TMEM106A: variants seen among roughly 807,000 people sequenced by gnomAD.
TMEM106A encodes the protein transmembrane protein 106A.
Under a neutral mutation model 25.1 loss-of-function variants are expected in TMEM106A, and 22 were observed. That is an observed-to-expected ratio of 0.88 (90% CI 0.63 to 1.25). The LOEUF (loss-of-function observed/expected upper bound fraction) is 1.25, where lower values mean the gene tolerates loss of function less well. Among genes scored for constraint, TMEM106A ranks in the 50% most tolerant of loss-of-function variants. The pLI, the probability that TMEM106A is intolerant of heterozygous loss-of-function variation, is 0.00. For synonymous variants in TMEM106A, 104 were observed against 129.9 expected, an observed-to-expected ratio of 0.80 and a Z score of 1.35; for missense variants, 275 against 318.1, an observed-to-expected ratio of 0.86 and a Z score of 1.03.
In TMEM106A at chr17:43,217,763, G is replaced by T; in HGVS notation, c.751G>T (p.Ala251Ser). The change falls in exon 9 of 9, where the codon GCA (alanine) becomes TCA (serine). Residue 251 changes from alanine (A) to serine (S), a missense_variant. Physicochemically the swap from Ala to Ser is moderately conservative, Grantham distance 99. Coordinates refer to ENST00000612339, the MANE Select transcript of TMEM106A (RefSeq NM_145041.4). ...TGAATATGTGGACTGCCGAGGAAAC[G>T]CATCTGTGCCCCACCAGCTGACCCC... ...SYEYVDCRGN[A>S]SVPHQLTPHP... The T allele has an allele frequency of 6.2e-7, 1 of 1,614,148 alleles. No individual in the cohort carries two copies. Among genetic ancestry groups the T allele is most frequent in the Non-Finnish European group, 8.5e-7 (1 of 1,180,028 alleles).
In TMEM106A at chr17:43,217,723, G is replaced by C. The variant is rs1191185690; in HGVS notation, c.711G>C (p.Leu237=). The change falls in exon 9 of 9, where the codon CTG becomes CTC. Residue 237 remains leucine, a synonymous_variant. Transcript: ENST00000612339. ...TCSYLSHSEQ[L]VFQSYEYVDC... is the part of the protein sequence containing the mutation. The stretch of plus-strand genomic sequence containing the variant: ...CATACCTGAGCCATTCAGAGCAGCT[G>C]GTCTTTCAGAGCTATGAATATGTGG... 2 of 1,614,156 alleles carry C rather than the reference G, an allele frequency of 1.2e-6. No individual in the cohort carries two copies. Among genetic ancestry groups the C allele is most frequent in the South Asian group, 2.2e-5 (2 of 91,070 alleles).
chr17:43,214,215 AAAG>A (rs1389471746), intron 4 of TMEM106A, among the ~76,000 whole-genome samples: 2 of 77,708 alleles, frequency 2.6e-5, no homozygotes, highest in African/African-American at 7.8e-5. Context: ...AGAAAAAAAA[AAAG>A]AAAAGAAAGA....
rs562097178 is a variant in TMEM106A at position 43,217,148 on chromosome 17, G to A, written c.615-111G>A. ...GAGTGACATTTTGGGGGCACCTGAT[G>A]GAAGGAAAGAGTTCTGTGGGGTAAG... On this transcript the variant is annotated intron_variant, in intron 7 of 8. Coordinates refer to ENST00000612339, the MANE Select transcript of TMEM106A (RefSeq NM_145041.4). 38 of 1,134,560 alleles carry A rather than the reference G, an allele frequency of 3.3e-5. 2 individuals carry two copies. The highest frequency in any genetic ancestry group is 2.3e-4 in the African/African-American group (15 of 65,456). The allele number at this position is 1,134,560 out of a possible 1,614,324, so 70.3% of individuals were successfully genotyped here. A position where few individuals can be genotyped will look rare whatever the true frequency, so the allele number is the denominator to read the frequency against.
At chr17:43,214,276 G>A (rs1051141210) in intron 4 of TMEM106A, among the ~76,000 whole-genome samples, 3 of 151,776 alleles carry the variant, frequency 2.0e-5, no homozygotes, top group African/African-American at 7.3e-5. Context: ...GTCACTTGAG[G>A]CCACCTGGTG....
Position 43,213,291 on chromosome 17 carries a change from G to C in TMEM106A, c.211+39G>C, listed in dbSNP as rs2057453295. On this transcript the variant is annotated intron_variant, in intron 3 of 8. Coordinates refer to ENST00000612339, the MANE Select transcript of TMEM106A (RefSeq NM_145041.4). ...GGCTCTGGAAATAGCCTGGAATCCA[G>C]GGAAAGTTCTTAGCCTGTTGGCCTG... is the stretch of plus-strand genomic sequence containing the variant. 3 of 1,610,544 alleles carry C rather than the reference G, an allele frequency of 1.9e-6. No individual in the cohort carries two copies. The East Asian group carries it at 6.7e-5, about 36-fold the overall frequency.
intron 5 of TMEM106A, chr17:43,216,201 C>G: frequency 1.5e-6 from 1 of 656,710 alleles, no homozygotes; most frequent in African/African-American, 1.8e-5. Context: ...CTGAGACTCT[C>G]TGGATGGACA....
chr17:43,215,417 C>T (rs1225059037), intron 4 of TMEM106A, among the ~76,000 whole-genome samples: 1 of 152,164 alleles, frequency 6.6e-6, no homozygotes, highest in Non-Finnish European at 1.5e-5. Context: ...AACTAGCATT[C>T]ATTGTGCTTT....
intron 5 of TMEM106A, 74 bp downstream of exon 5, chr17:43,216,015 C>A: frequency 6.4e-7 from 1 of 1,573,300 alleles, no homozygotes; most frequent in Non-Finnish European, 8.7e-7. Context: ...AGTGTTATGA[C>A]CCTGGGCATG....
chr17:43,217,935 C>T lies in TMEM106A; in HGVS notation c.*134C>T. ...TGCCTCATCACACCCTTACCTCCCA[C>T]CCCCTCAGCACAGGAAGCTTGCTTT... On this transcript the variant is annotated 3_prime_UTR_variant, in exon 9 of 9. Coordinates refer to ENST00000612339, the MANE Select transcript of TMEM106A (RefSeq NM_145041.4). 3 of 1,314,416 alleles carry T rather than the reference C, an allele frequency of 2.3e-6. No individual in the cohort carries two copies. The highest frequency in any genetic ancestry group is 1.5e-5 in the African/African-American group (1 of 68,054). 81.4% of individuals were successfully genotyped at this position (1,314,416 alleles called of 1,614,324 possible). A position where few individuals can be genotyped will look rare whatever the true frequency, so the allele number is the denominator to read the frequency against.
Position 43,217,982 on chromosome 17 carries a change from C to T in TMEM106A, c.*181C>T, listed in dbSNP as rs1445532104. ...CTTTGAAGTTAACTTCATACACACA[C>T]ACTCATATCCTCCAGTTTCCCCCAG... is the stretch of plus-strand genomic sequence containing the variant. On this transcript the variant is annotated 3_prime_UTR_variant, in exon 9 of 9. Coordinates refer to ENST00000612339, the MANE Select transcript of TMEM106A (RefSeq NM_145041.4). 2.6e-6 allele frequency: 2 copies of T among 772,236 alleles called. No homozygotes were observed. Among genetic ancestry groups the T allele is most frequent in the South Asian group, 1.8e-5 (1 of 54,740 alleles). 47.8% of individuals were successfully genotyped at this position (772,236 alleles called of 1,614,324 possible).
intron 4 of TMEM106A, 66 bp downstream of exon 4, chr17:43,213,957 C>A: frequency 6.5e-7 from 1 of 1,533,362 alleles, no homozygotes; most frequent in Non-Finnish European, 9.0e-7. Flanking sequence ...CTTTGTCTCC[C>A]CTGTTTTGAT....
In TMEM106A at chr17:43,215,843, G is replaced by A. The variant is rs764999321; in HGVS notation, c.331G>A (p.Val111Ile). 1.4e-5 allele frequency: 22 copies of A among 1,613,934 alleles called. No individual in the cohort carries two copies. Among genetic ancestry groups the A allele is most frequent in the Admixed American group, 3.3e-5 (2 of 60,010 alleles). Reference protein sequence around the residue: ...LICLVTSSFIVFFLFPRSVIV... With the variant: ...LICLVTSSFIIFFLFPRSVIV... ...CTGCCTGGTGACCTCCTCCTTCATC[G>A]TCTTTTTCCTGTTTCCCCGGTCCGT... The change falls in exon 5 of 9, where the codon GTC (valine) becomes ATC (isoleucine). Residue 111 changes from valine to isoleucine, a missense_variant. By Grantham distance (29) the Val-to-Ile change is conservative. Coordinates refer to ENST00000612339, the MANE Select transcript of TMEM106A (RefSeq NM_145041.4).
At chr17:43,213,295 A>G (rs1406953371) in intron 3 of TMEM106A, 43 bp downstream of exon 3, 1 of 1,608,630 alleles carries the variant, frequency 6.2e-7, no homozygotes, top group African/African-American at 1.3e-5. Flanking sequence ...AATCCAGGGA[A>G]AGTTCTTAGC....
At chr17:43,213,980 C>A in intron 4 of TMEM106A, 89 bp downstream of exon 4, 1 of 1,361,058 alleles carries the variant, frequency 7.3e-7, no homozygotes. Context: ...CCCTTAATTT[C>A]TTCCTATTAG....
chr17:43,212,909 C>A, intron 2 of TMEM106A, 112 bp from the exon 3 acceptor site: 1 of 750,952 alleles, frequency 1.3e-6, no homozygotes, highest in Non-Finnish European at 2.2e-6. Context: ...TAGGCTTGAG[C>A]TTGCTTAAAC....
rs1236632432 is a variant in TMEM106A at position 43,213,053 on chromosome 17, G to A, written c.12G>A (p.Thr4=). 1.9e-6 allele frequency: 3 copies of A among 1,614,170 alleles called. No individual in the cohort carries two copies. The highest frequency in any genetic ancestry group is 2.5e-6 in the Non-Finnish European group (3 of 1,180,028). The change falls in exon 3 of 9, where the codon ACG becomes ACA. Residue 4 remains threonine, a synonymous_variant. Transcript: ENST00000612339. Reference sequence around the variant, plus strand: ...CCCGCCCCTGAAGAATGGGTAAGACGTTTTCCCAGCTGGGCTCTTGGCGGG... The same window carrying A: ...CCCGCCCCTGAAGAATGGGTAAGACATTTTCCCAGCTGGGCTCTTGGCGGG... MGK[T]FSQLGSWRED...
At chr17:43,213,580 T>G (rs887535126) in intron 3 of TMEM106A, among the ~76,000 whole-genome samples, 6 of 152,230 alleles carry the variant, frequency 3.9e-5, no homozygotes, top group African/African-American at 1.4e-4. Context: ...CATCTCTGAT[T>G]TGCTGGTGAC....
chr17:43,217,591 G>C, intron 8 of TMEM106A, 90 bp from the exon 9 acceptor site: 1 of 1,546,732 alleles, frequency 6.5e-7, no homozygotes, highest in Non-Finnish European at 8.7e-7. Context: ...AAATGAGGGA[G>C]CTCCCCGCTC....
rs1319514489 is a variant in TMEM106A, at chr17:43,217,242, C to T, written c.615-17C>T. On this transcript the variant is annotated splice_polypyrimidine_tract_variant and intron_variant, in intron 7 of 8. Transcript: ENST00000612339. ...CATGTGACACGTGGTCCCACGTTCT[C>T]TTTTCTTCTCTCTCAGCAAAATCTG... 2.5e-6 allele frequency: 4 copies of T among 1,614,186 alleles called. No homozygotes were observed. The highest frequency in any genetic ancestry group is 3.4e-6 in the Non-Finnish European group (4 of 1,180,012).
Sources: gnomAD v4.1 joint callset for allele counts (sites outside exome capture counted in the v4.1 genomes callset) on GRCh38, gnomAD v4.1.1 for gene constraint, MANE v1.5 for transcripts, NCBI Gene and HGNC (gene_info 2026-07-23, HGNC 2026-07-21) for gene names.